Variants in IL18R1 observed in about 807,000 individuals in gnomAD.
IL18R1 encodes the protein interleukin-18 receptor 1.
Under a neutral mutation model 48.5 loss-of-function variants are expected in IL18R1, and 40 were observed. The ratio of observed to expected loss-of-function variants is 0.82; its 90% CI spans 0.64 to 1.07. The LOEUF (loss-of-function observed/expected upper bound fraction) is 1.07. Ranked by LOEUF, IL18R1 falls within the 50% of genes least tolerant of loss-of-function variation. IL18R1 has a pLI of 0.00. For synonymous variants in IL18R1, 232 were observed against 225.9 expected, an observed-to-expected ratio of 1.03 and a Z score of -0.24; for missense variants, 596 against 633.7, an observed-to-expected ratio of 0.94 and a Z score of 0.64.
In IL18R1 at chr2:102,398,171, G is replaced by C. The variant is rs1231458968; in HGVS notation, c.*1285G>C. On this transcript the variant is annotated 3_prime_UTR_variant, in exon 11 of 11. Transcript: ENST00000233957. ...GAAGCATACTGGAGAAGCATATCCA[G>C]AGGGCGAAAGATATCTCTCCATTGT... 6.6e-6 allele frequency: 1 copy of C among 152,312 alleles called. No individual in the cohort carries two copies. The highest frequency in any genetic ancestry group is 2.4e-5 in the African/African-American group (1 of 41,430). The allele number at this position is 152,312 out of a possible 1,614,324, so 9.4% of individuals were successfully genotyped here.
rs770520562 is a variant in IL18R1, at chr2:102,371,957, T to C, written c.307T>C (p.Tyr103His). The change falls in exon 4 of 11, where the codon TAT becomes CAT. Residue 103 changes from tyrosine (Y) to histidine (H), a missense_variant. This residue lies in a region of IL18R1 where 360 missense variants were observed against 339.4 expected (regional missense o/e 1.06). Coordinates refer to ENST00000233957, the MANE Select transcript of IL18R1 (RefSeq NM_003855.5). Reference sequence around the variant, plus strand: ...CTTTACACTTTTATTCCATAGAAATTATACTCAGAAATGGAAATTAAATGT... The same window carrying C: ...CTTTACACTTTTATTCCATAGAAATCATACTCAGAAATGGAAATTAAATGT... ...TGSYFFQMKN[Y>H]TQKWKLNVIR... The C allele has an allele frequency of 6.6e-7, 1 of 1,523,572 alleles. No individual in the cohort carries two copies. Among genetic ancestry groups the C allele is most frequent in the Admixed American group, 2.0e-5 (1 of 50,118 alleles). The allele number at this position is 1,523,572 out of a possible 1,614,324, so 94.4% of individuals were successfully genotyped here.
At chr2:102,361,114 A>AT (rs1000343822) in intron 1 of IL18R1, among the ~76,000 whole-genome samples, 3 of 152,062 alleles carry the variant, frequency 2.0e-5, no homozygotes, top group Admixed American at 6.5e-5. Flanking sequence ...GATATTGAAT[A>AT]TTTTTTTTAA....
intron 5 of IL18R1, among the ~76,000 whole-genome samples, chr2:102,379,934 C>A (rs776347337): frequency 1.3e-4 from 20 of 152,138 alleles, no homozygotes; most frequent in African/African-American, 4.8e-4. Context: ...CTTCCAATGT[C>A]GTTGAGTTTA....
rs1328307372 is a variant in IL18R1 at position 102,394,610 on chromosome 2, A to G, written c.1253A>G (p.Asp418Gly). ...FGYKLCIFER[D>G]VVPGGAVVDE... ...TATAAGTTATGCATATTTGAAAGGG[A>G]TGTAGTGCCTGGAGGAGGTAAGAGG... The change falls in exon 10 of 11, where the codon GAT (aspartate) becomes GGT (glycine). Residue 418 changes from aspartate to glycine, a missense_variant. Asp to Gly is a moderately conservative substitution (Grantham distance 94). Coordinates refer to ENST00000233957, the MANE Select transcript of IL18R1 (RefSeq NM_003855.5). The G allele has an allele frequency of 1.2e-6, 2 of 1,609,808 alleles. No individual in the cohort carries two copies. Among genetic ancestry groups the G allele is most frequent in the Middle Eastern group, 1.6e-4 (1 of 6,072 alleles).
At position 102,397,633 on chromosome 2, in the gene IL18R1, C is replaced by T. The variant is rs1389839729; in HGVS notation, c.*747C>T. On this transcript the variant is annotated 3_prime_UTR_variant, in exon 11 of 11. Transcript: ENST00000233957. ...GCCTTTCACTTTGGATGCTCTGAAA[C>T]ATTTGTTGATTTTGTGTGAATGTTT... 6.6e-6 allele frequency: 1 copy of T among 152,350 alleles called. No individual in the cohort carries two copies. Among genetic ancestry groups the T allele is most frequent in the Non-Finnish European group, 1.5e-5 (1 of 68,038 alleles). The allele number at this position is 152,350 out of a possible 1,614,324, so 9.4% of individuals were successfully genotyped here.
chr2:102,366,969 T>C (rs1196246761), intron 2 of IL18R1, among the ~76,000 whole-genome samples: 1 of 152,230 alleles, frequency 6.6e-6, no homozygotes, highest in Admixed American at 6.5e-5. Flanking sequence ...ATTCTGTCCA[T>C]GTCCTAAGGG....
At chr2:102,379,007 A>C (rs1049941227) in intron 5 of IL18R1, among the ~76,000 whole-genome samples, 1 of 152,170 alleles carries the variant, frequency 6.6e-6, no homozygotes, top group East Asian at 1.9e-4. Flanking sequence ...GAGATCTCTC[A>C]GCTGCTACAT....
chr2:102,392,219 T>A (rs1163075115), intron 9 of IL18R1, among the ~76,000 whole-genome samples: 1 of 152,210 alleles, frequency 6.6e-6, no homozygotes, highest in Non-Finnish European at 1.5e-5. Context: ...TTAGCAAGGT[T>A]AGTGAATTTA....
Position 102,371,938 on chromosome 2 carries a change from A to C in IL18R1, c.303-15A>C, listed in dbSNP as rs1364178649. On this transcript the variant is annotated splice_polypyrimidine_tract_variant and intron_variant, in intron 3 of 10. Coordinates refer to ENST00000233957, the MANE Select transcript of IL18R1 (RefSeq NM_003855.5). Reference sequence around the variant, plus strand: ...CTGTAGCATTATAAAATACCTTTACACTTTTATTCCATAGAAATTATACTC... The same window carrying C: ...CTGTAGCATTATAAAATACCTTTACCCTTTTATTCCATAGAAATTATACTC... 7.0e-7 allele frequency: 1 copy of C among 1,422,370 alleles called. No homozygotes were observed. 88.1% of individuals were successfully genotyped at this position (1,422,370 alleles called of 1,614,324 possible). A position where few individuals can be genotyped will look rare whatever the true frequency, so the allele number is the denominator to read the frequency against.
In IL18R1 at chr2:102,375,906, G is replaced by T. The variant is rs1287185897; in HGVS notation, c.469-1G>T. ...ATTTTAACTTGTTTTATTAAAAACA[G>T]AACTGTAAAAAGCTACTACTGGAGA... On this transcript the variant is annotated splice_acceptor_variant, in intron 4 of 10. Coordinates refer to ENST00000233957, the MANE Select transcript of IL18R1 (RefSeq NM_003855.5). LOFTEE classifies it high-confidence loss of function. The T allele has an allele frequency of 6.4e-7, 1 of 1,558,018 alleles. No homozygotes were observed. The highest frequency in any genetic ancestry group is 8.6e-7 in the Non-Finnish European group (1 of 1,158,932).
chr2:102,381,754 G>T, intron 6 of IL18R1, 72 bp downstream of exon 6: 1 of 974,958 alleles, frequency 1.0e-6, no homozygotes, highest in South Asian at 1.3e-5. Flanking sequence ...GCGTAAATAT[G>T]ATTCATTATT....
At position 102,398,679 on chromosome 2, in the gene IL18R1, T is replaced by A. The variant is rs1680940918; in HGVS notation, c.*1793T>A. ...GCTTTAAAATACTTGAAATATATTT[T>A]GCATTAAATGCATTTCAAGTTAAAT... On this transcript the variant is annotated 3_prime_UTR_variant, in exon 11 of 11. Transcript: ENST00000233957. 6.6e-6 allele frequency: 1 copy of A among 152,386 alleles called. No homozygotes were observed. The highest frequency in any genetic ancestry group is 6.5e-5 in the Admixed American group (1 of 15,286). The allele number at this position is 152,386 out of a possible 1,614,324, so 9.4% of individuals were successfully genotyped here. A position where few individuals can be genotyped will look rare whatever the true frequency, so the allele number is the denominator to read the frequency against.
At chr2:102,390,692 G>T (rs537218245) in intron 9 of IL18R1, among the ~76,000 whole-genome samples, 6 of 152,254 alleles carry the variant, frequency 3.9e-5, no homozygotes, top group Middle Eastern at 3.4e-3. Context: ...CCAGCACTTT[G>T]AGAGTCCGAG....
chr2:102,378,157 G>A (rs775993215), intron 5 of IL18R1, among the ~76,000 whole-genome samples: 10 of 152,284 alleles, frequency 6.6e-5, no homozygotes, highest in South Asian at 2.1e-4. Context: ...TGATGAAGCT[G>A]TAGGAATATC....
intron 3 of IL18R1, among the ~76,000 whole-genome samples, chr2:102,371,016 C>T (rs765252585): frequency 6.7e-6 from 1 of 149,616 alleles, no homozygotes; most frequent in Non-Finnish European, 1.5e-5. Flanking sequence ...TTAAAAAATA[C>T]TGTATTGTTT....
In IL18R1 at chr2:102,396,694, T is replaced by C; in HGVS notation, c.1434T>C (p.Pro478=). The change falls in exon 11 of 11, where the codon CCT becomes CCC. Residue 478 remains proline, a synonymous_variant. Coordinates refer to ENST00000233957, the MANE Select transcript of IL18R1 (RefSeq NM_003855.5). The stretch of plus-strand genomic sequence containing the variant: ...AAATAATCTTAATTGAATTTACACC[T>C]GTTACTGACTTCACATTCTTGCCCC... The part of the protein sequence containing the change: ...KIKIILIEFT[P]VTDFTFLPQS... 6.2e-7 allele frequency: 1 copy of C among 1,614,076 alleles called. No homozygotes were observed. Among genetic ancestry groups the C allele is most frequent in the Non-Finnish European group, 8.5e-7 (1 of 1,179,902 alleles).
rs1680918318 is a variant in IL18R1, at chr2:102,398,187, T to C, written c.*1301T>C. 1 of 152,288 alleles carries C rather than the reference T, an allele frequency of 6.6e-6. No homozygotes were observed. The highest frequency in any genetic ancestry group is 2.4e-5 in the African/African-American group (1 of 41,436). The allele number at this position is 152,288 out of a possible 1,614,324, so 9.4% of individuals were successfully genotyped here. A position where few individuals can be genotyped will look rare whatever the true frequency, so the allele number is the denominator to read the frequency against. On this transcript the variant is annotated 3_prime_UTR_variant, in exon 11 of 11. Transcript: ENST00000233957. ...GCATATCCAGAGGGCGAAAGATATC[T>C]CTCCATTGTGCATCTGCCTCTTTTG...
intron 10 of IL18R1, among the ~76,000 whole-genome samples, chr2:102,395,181 G>GT (rs66489852): frequency 1.3e-4 from 19 of 151,938 alleles, no homozygotes; most frequent in African/African-American, 1.9e-4. Flanking sequence ...GAAATTCAAT[G>GT]TTTTTTTTAT....
chr2:102,388,215 C>G (rs1680352971), intron 8 of IL18R1, among the ~76,000 whole-genome samples: 1 of 152,188 alleles, frequency 6.6e-6, no homozygotes, highest in South Asian at 2.1e-4. Context: ...TGTTTTAGAG[C>G]CGCCTCTCTA....
Sources: allele counts gnomAD v4.1 joint callset (sites outside exome capture counted in the v4.1 genomes callset), GRCh38; gene constraint gnomAD v4.1.1; regional missense constraint gnomAD v4.1.1; transcripts MANE v1.5; gene names NCBI Gene and HGNC (gene_info 2026-07-23, HGNC 2026-07-21).